XPO4: variants seen among roughly 807,000 people sequenced by gnomAD.
XPO4 encodes the protein exportin 4, also known as exportin-4.
XPO4 carries 39 observed loss-of-function variants against 143.0 expected under a neutral mutation model. The ratio of observed to expected loss-of-function variants is 0.27; its 90% confidence interval spans 0.21 to 0.36. The LOEUF is 0.36. Ranked by LOEUF, XPO4 falls within the 10% of genes least tolerant of loss-of-function variation. The pLI is 1.00. For synonymous variants in XPO4, 439 were observed against 474.0 expected, an observed-to-expected ratio of 0.93 and a Z score of 0.96; for missense variants, 907 against 1,348.0, an observed-to-expected ratio of 0.67 and a Z score of 5.12.
At chr13:20,816,125 A>C (rs1382135704) in intron 9 of XPO4, among the ~76,000 whole-genome samples, 1 of 152,254 alleles carries the variant, frequency 6.6e-6, no homozygotes, top group Admixed American at 6.5e-5. Context: ...AATAACTTTA[A>C]AATTTACAGG....
At chr13:20,849,308 C>T (rs549421622) in intron 4 of XPO4, 739 of 985,246 alleles carry the variant, frequency 7.5e-4, no homozygotes, top group South Asian at 1.1e-3. Context: ...CAGGGGCTGC[C>T]GTAGACAAGT....
In XPO4 at chr13:20,783,350, T is replaced by G; in HGVS notation, c.*372A>C. On this transcript the variant is annotated 3_prime_UTR_variant, in exon 23 of 23. Coordinates refer to ENST00000255305, the MANE Select transcript of XPO4 (RefSeq NM_022459.5). ...AGAAACACTGCCTAGCATATATCCA[T>G]TTCATATTTAATGACAAAAATTCTA... 1 of 257,558 alleles carries G rather than the reference T, an allele frequency of 3.9e-6. No individual in the cohort carries two copies. Among genetic ancestry groups the G allele is most frequent in the Non-Finnish European group, 7.5e-6 (1 of 132,934 alleles). The allele number at this position is 257,558 out of a possible 1,614,324, so 16.0% of individuals were successfully genotyped here. A position where few individuals can be genotyped will look rare whatever the true frequency, so the allele number is the denominator to read the frequency against.
chr13:20,791,225 TAATC>T (rs1163714317), intron 18 of XPO4, among the ~76,000 whole-genome samples: 22 of 152,126 alleles, frequency 1.4e-4, no homozygotes, highest in African/African-American at 5.1e-4. Flanking sequence ...TTCCAACTAT[TAATC>T]AAGCAATACA....
intron 4 of XPO4, chr13:20,852,862 T>C (rs987500066): frequency 2.0e-6 from 2 of 984,492 alleles, no homozygotes; most frequent in Admixed American, 6.1e-5. Flanking sequence ...TATAAATTGT[T>C]AATATTTATA....
chr13:20,827,667 A>G (rs984296376), intron 6 of XPO4, among the ~76,000 whole-genome samples: 1 of 152,194 alleles, frequency 6.6e-6, no homozygotes, highest in African/African-American at 2.4e-5. Context: ...AAGAACAAAA[A>G]GAGTAAACAC....
Position 20,799,326 on chromosome 13 carries a change from T to A in XPO4, c.2161A>T (p.Ile721Phe). The change falls in exon 16 of 23, where the codon ATT becomes TTT. Residue 721 changes from isoleucine to phenylalanine, a missense_variant. Physicochemically the swap from Ile to Phe is conservative, Grantham distance 21. Coordinates refer to ENST00000255305, the MANE Select transcript of XPO4 (RefSeq NM_022459.5). The stretch of plus-strand genomic sequence containing the variant: ...AAATTCCACCAGTTCTCACATTGAA[T>A]TACTAAGTTTGCCCTACAGGTAGAA... ...VERRERANLVIQCENWWNLAK... is the reference protein window; with the variant it reads ...VERRERANLVFQCENWWNLAK... 1 of 1,613,382 alleles carries A rather than the reference T, an allele frequency of 6.2e-7. No homozygotes were observed. Among genetic ancestry groups the A allele is most frequent in the Non-Finnish European group, 8.5e-7 (1 of 1,179,496 alleles).
chr13:20,883,892 C>T (rs201274268), intron 1 of XPO4, among the ~76,000 whole-genome samples: 3 of 152,094 alleles, frequency 2.0e-5, no homozygotes, highest in Non-Finnish European at 4.4e-5. Context: ...CTCAGCCTCC[C>T]GAGTAGCTGG....
intron 1 of XPO4, among the ~76,000 whole-genome samples, chr13:20,889,210 G>A (rs2138175876): frequency 6.6e-6 from 1 of 152,256 alleles, no homozygotes; most frequent in South Asian, 2.1e-4. Flanking sequence ...AGATATACTA[G>A]GGATATTTCA....
At chr13:20,834,832 G>A (rs1031276381) in intron 6 of XPO4, among the ~76,000 whole-genome samples, 1 of 151,956 alleles carries the variant, frequency 6.6e-6, no homozygotes, top group African/African-American at 2.4e-5. Flanking sequence ...GTGGTGATGT[G>A]TACCTGTGGT....
intron 9 of XPO4, among the ~76,000 whole-genome samples, chr13:20,820,424 A>G (rs1203682104): frequency 6.6e-6 from 1 of 152,232 alleles, no homozygotes; most frequent in Non-Finnish European, 1.5e-5. Flanking sequence ...TAAATATAGG[A>G]TCAACATGCT....
chr13:20,875,877 A>G (rs1314062847), intron 1 of XPO4, among the ~76,000 whole-genome samples: 1 of 152,162 alleles, frequency 6.6e-6, no homozygotes. Context: ...TACGATTCCA[A>G]TTAAAATCCC....
At chr13:20,894,070 AAC>A (rs1334331569) in intron 1 of XPO4, among the ~76,000 whole-genome samples, 1 of 151,992 alleles carries the variant, frequency 6.6e-6, no homozygotes, top group African/African-American at 2.4e-5. Flanking sequence ...TCGAACTCCC[AAC>A]CTCAGGTGAT....
intron 2 of XPO4, chr13:20,866,306 A>T: frequency 2.0e-6 from 2 of 984,950 alleles, no homozygotes; most frequent in Non-Finnish European, 2.4e-6. Flanking sequence ...GGATAAGAAG[A>T]GAAAGAAATG....
chr13:20,818,071 C>T (rs780466345), intron 9 of XPO4, among the ~76,000 whole-genome samples: 1 of 152,152 alleles, frequency 6.6e-6, no homozygotes. Flanking sequence ...CGGCCGTGAG[C>T]CACCAAGCCC....
At chr13:20,857,713 C>T (rs375210763) in intron 3 of XPO4, 8 of 497,852 alleles carry the variant, frequency 1.6e-5, no homozygotes, top group Non-Finnish European at 1.8e-5. Flanking sequence ...GGCAACAGAG[C>T]GAGACTCCAT....
intron 19 of XPO4, 72 bp downstream of exon 19, chr13:20,790,390 T>C (rs1595054607): frequency 1.3e-5 from 15 of 1,164,410 alleles, no homozygotes; most frequent in Admixed American, 1.7e-5. Flanking sequence ...ATCACAGATA[T>C]ATTCTTGTCT....
intron 19 of XPO4, 76 bp from the exon 20 acceptor site, chr13:20,788,692 GTAAC>G (rs2059239320): frequency 7.6e-7 from 1 of 1,324,224 alleles, no homozygotes; most frequent in Non-Finnish European, 1.0e-6. Flanking sequence ...ATAAAATAAA[GTAAC>G]TGACAAGCTT....
chr13:20,886,729 TAA>T (rs1054251819), intron 1 of XPO4, among the ~76,000 whole-genome samples: 1 of 151,758 alleles, frequency 6.6e-6, no homozygotes, highest in African/African-American at 2.4e-5. Flanking sequence ...AAGCAAGAAT[TAA>T]AAGAGAAAGC....
chr13:20,879,374 A>G lies in XPO4; in HGVS notation c.70-10673T>C, dbSNP rs73437481. On this transcript the variant is annotated intron_variant, in intron 1 of 22. Transcript: ENST00000255305. ...TCTGGACCTTAACAATAGATGGAAG[A>G]GCGTAAATTACTTCAGACAATGAAT... 1,910 of 935,872 alleles carry G rather than the reference A, an allele frequency of 2.0e-3. 26 individuals carry two copies. In the African/African-American group the frequency reaches 0.029, roughly 14 times the overall value. The allele number at this position is 935,872 out of a possible 1,614,324, so 58.0% of individuals were successfully genotyped here.
Sources: gnomAD v4.1 joint callset for allele counts (sites outside exome capture counted in the v4.1 genomes callset) on GRCh38, gnomAD v4.1.1 for gene constraint, MANE v1.5 for transcripts, NCBI Gene and HGNC (gene_info 2026-07-23, HGNC 2026-07-21) for gene names.